TMEM215: variants seen among roughly 807,000 people sequenced by gnomAD.
TMEM215 encodes the protein transmembrane protein 215.
A neutral mutation model predicts 14.7 loss-of-function variants in TMEM215; 12 were observed. The ratio of observed to expected loss-of-function variants is 0.82; its 90% CI spans 0.52 to 1.33. TMEM215 has a LOEUF of 1.33. Among genes scored for constraint, TMEM215 ranks in the 40% most tolerant of loss-of-function variants. The pLI is 0.00. For missense variants in TMEM215, 276 were observed against 296.2 expected, an observed-to-expected ratio of 0.93 and a Z score of 0.50; for synonymous variants, 122 against 124.8, an observed-to-expected ratio of 0.98 and a Z score of 0.15.
In TMEM215 at chr9:32,784,415, C is replaced by A. The variant is rs201917188; in HGVS notation, c.232C>A (p.Arg78Ser). Residue 78 changes from arginine to serine, a missense_variant, in exon 2 of 2, where the codon CGC (arginine) becomes AGC (serine). By Grantham distance (110) the Arg-to-Ser change is moderately radical. Transcript: ENST00000342743. ...GCCAGAGAACGAGCTGCTGTGGGTC[C>A]GCAAATTGCCCTGCTTCCGGAAACC... ...KWPENELLWVRKLPCFRKPKD... is the reference protein window; with the variant it reads ...KWPENELLWVSKLPCFRKPKD... 3.1e-6 allele frequency: 5 copies of A among 1,614,044 alleles called. No individual in the cohort carries two copies. The Admixed American group carries it at 8.3e-5, about 27-fold the overall frequency.
In TMEM215 at chr9:32,787,360, G is replaced by C. The variant is rs1360433836; in HGVS notation, c.*2469G>C. On this transcript the variant is annotated 3_prime_UTR_variant, in exon 2 of 2. Coordinates refer to ENST00000342743, the MANE Select transcript of TMEM215 (RefSeq NM_212558.3). ...TAAGGTATTTAAGTATGCATTTGAG[G>C]AAATATTTTCCTGTGCTAAAATAAA... 4.8e-5 allele frequency: 8 copies of C among 166,816 alleles called. No individual in the cohort carries two copies. The highest frequency in any genetic ancestry group is 1.9e-4 in the African/African-American group (8 of 41,388). The allele number at this position is 166,816 out of a possible 1,614,324, so 10.3% of individuals were successfully genotyped here.
chr9:32,785,886 T>C lies in TMEM215; in HGVS notation c.*995T>C, dbSNP rs1824501214. 1 of 166,944 alleles carries C rather than the reference T, an allele frequency of 6.0e-6. No individual in the cohort carries two copies. Among genetic ancestry groups the C allele is most frequent in the Admixed American group, 6.5e-5 (1 of 15,292 alleles). The allele number at this position is 166,944 out of a possible 1,614,324, so 10.3% of individuals were successfully genotyped here. On this transcript the variant is annotated 3_prime_UTR_variant, in exon 2 of 2. Transcript: ENST00000342743. ...TTGTATGAAATGCAATGGTTAAACC[T>C]TTGGAAGTGTCATTATTTGTACATT...
In TMEM215 at chr9:32,788,904, G is replaced by A. The variant is rs1317456013; in HGVS notation, c.*4013G>A. On this transcript the variant is annotated 3_prime_UTR_variant, in exon 2 of 2. Coordinates refer to ENST00000342743, the MANE Select transcript of TMEM215 (RefSeq NM_212558.3). Reference sequence around the variant, plus strand: ...AGTGGTGTCAGTCTTCAAGAGCATCGTGTTCAACAAGCAAAATGATAAATA... The same window carrying A: ...AGTGGTGTCAGTCTTCAAGAGCATCATGTTCAACAAGCAAAATGATAAATA... Among the ~76,000 whole-genome samples, 3 of 152,162 alleles carry A rather than the reference G, an allele frequency of 2.0e-5. No homozygotes were observed. Among genetic ancestry groups the A allele is most frequent in the Non-Finnish European group, 2.9e-5 (2 of 68,030 alleles).
Position 32,784,151 on chromosome 9 carries a change from A to G in TMEM215, c.-33A>G. 1 of 1,580,088 alleles carries G rather than the reference A, an allele frequency of 6.3e-7. No homozygotes were observed. Among genetic ancestry groups the G allele is most frequent in the Non-Finnish European group, 8.6e-7 (1 of 1,161,490 alleles). ...AATAGAGGAACGCTGCTCCCTGGTC[A>G]GCAAGCAGCCCCCAACCTGGATGGA... On this transcript the variant is annotated 5_prime_UTR_variant, in exon 2 of 2. Coordinates refer to ENST00000342743, the MANE Select transcript of TMEM215 (RefSeq NM_212558.3).
At position 32,787,921 on chromosome 9, in the gene TMEM215, CTTCTTGA is replaced by C. The variant is rs1399113458; in HGVS notation, c.*3036_*3042del. Among the ~76,000 whole-genome samples the C allele has an allele frequency of 6.6e-6, 1 of 152,092 alleles. No individual in the cohort carries two copies. The highest frequency in any genetic ancestry group is 2.4e-5 in the African/African-American group (1 of 41,434). On this transcript the variant is annotated 3_prime_UTR_variant, in exon 2 of 2. Transcript: ENST00000342743. ...GCACATGGGTTGTTTTTCCAAACTG[CTTCTTGA>C]TTCTTAAGTGAGAATTCAGACATGA...
At position 32,784,469 on chromosome 9, in the gene TMEM215, A is replaced by C; in HGVS notation, c.286A>C (p.Arg96=). 6.2e-7 allele frequency: 1 copy of C among 1,614,114 alleles called. No individual in the cohort carries two copies. The change falls in exon 2 of 2, where the codon AGG becomes CGG. Residue 96 remains arginine, a synonymous_variant. Coordinates refer to ENST00000342743, the MANE Select transcript of TMEM215 (RefSeq NM_212558.3). ...AGACAAGGAGGTGGTAGAGCTGCTGAGGACCCCTTCAGACCTAGAATCCGG... is the reference window on the plus strand; with the variant it reads ...AGACAAGGAGGTGGTAGAGCTGCTGCGGACCCCTTCAGACCTAGAATCCGG... The part of the protein sequence containing the change: ...PKDKEVVELL[R]TPSDLESGKG...
rs1306603796 is a variant in TMEM215, at chr9:32,788,838, C to T, written c.*3947C>T. Among the ~76,000 whole-genome samples the T allele has an allele frequency of 1.3e-5, 2 of 152,178 alleles. No individual in the cohort carries two copies. Among genetic ancestry groups the T allele is most frequent in the African/African-American group, 4.8e-5 (2 of 41,452 alleles). On this transcript the variant is annotated 3_prime_UTR_variant, in exon 2 of 2. Coordinates refer to ENST00000342743, the MANE Select transcript of TMEM215 (RefSeq NM_212558.3). Reference sequence around the variant, plus strand: ...TTAGGAGTAAGATGGAACATTTCCCCAGCTAAGATACCAGTGGTGTGTTTC... The same window carrying T: ...TTAGGAGTAAGATGGAACATTTCCCTAGCTAAGATACCAGTGGTGTGTTTC...
At position 32,785,369 on chromosome 9, in the gene TMEM215, G is replaced by C. The variant is rs1454740497; in HGVS notation, c.*478G>C. On this transcript the variant is annotated 3_prime_UTR_variant, in exon 2 of 2. Coordinates refer to ENST00000342743, the MANE Select transcript of TMEM215 (RefSeq NM_212558.3). ...GCCTGGTTAAAAGCTTATCACACTT[G>C]GTATTTGCTGAAAGAAAAAAAAATC... is the stretch of plus-strand genomic sequence containing the variant. The C allele has an allele frequency of 5.9e-6, 1 of 168,644 alleles. No homozygotes were observed. Among genetic ancestry groups the C allele is most frequent in the East Asian group, 1.9e-4 (1 of 5,196 alleles). 10.4% of individuals were successfully genotyped at this position (168,644 alleles called of 1,614,324 possible).
Position 32,784,883 on chromosome 9 carries a change from A to G in TMEM215, c.700A>G (p.Ile234Val), listed in dbSNP as rs1824488719. The change falls in exon 2 of 2, where the codon ATC (isoleucine) becomes GTC (valine). Residue 234 changes from isoleucine (I) to valine (V), a missense_variant. Ile to Val is a conservative substitution (Grantham distance 29). Coordinates refer to ENST00000342743, the MANE Select transcript of TMEM215 (RefSeq NM_212558.3). The stretch of plus-strand genomic sequence containing the variant: ...ACAAGGCAGGTGGGACCACGAGACC[A>G]TCGTCTAATCTCTGCCTACAAAGGT... ...QIQGRWDHET[I>V]V 1 of 1,610,854 alleles carries G rather than the reference A, an allele frequency of 6.2e-7. No homozygotes were observed. Among genetic ancestry groups the G allele is most frequent in the Non-Finnish European group, 8.5e-7 (1 of 1,178,518 alleles).
rs1056398912 is a variant in TMEM215, at chr9:32,784,130, G to C, written c.-54G>C. 6.0e-5 allele frequency: 92 copies of C among 1,532,162 alleles called. No homozygotes were observed. Among genetic ancestry groups the C allele is most frequent in the Admixed American group, 9.5e-5 (5 of 52,530 alleles). 94.9% of individuals were successfully genotyped at this position (1,532,162 alleles called of 1,614,324 possible). Reference sequence around the variant, plus strand: ...CTGTGGTTTCATCTCTGACAGAATAGAGGAACGCTGCTCCCTGGTCAGCAA... The same window carrying C: ...CTGTGGTTTCATCTCTGACAGAATACAGGAACGCTGCTCCCTGGTCAGCAA... On this transcript the variant is annotated 5_prime_UTR_variant, in exon 2 of 2. Coordinates refer to ENST00000342743, the MANE Select transcript of TMEM215 (RefSeq NM_212558.3).
In TMEM215 at chr9:32,785,904, T is replaced by G. The variant is rs1189221965; in HGVS notation, c.*1013T>G. ...TTAAACCTTTGGAAGTGTCATTATT[T>G]GTACATTTGTTCAACTCCTCTCACA... On this transcript the variant is annotated 3_prime_UTR_variant, in exon 2 of 2. Transcript: ENST00000342743. 6.0e-6 allele frequency: 1 copy of G among 167,000 alleles called. No individual in the cohort carries two copies. Among genetic ancestry groups the G allele is most frequent in the Non-Finnish European group, 1.5e-5 (1 of 68,092 alleles). 10.3% of individuals were successfully genotyped at this position (167,000 alleles called of 1,614,324 possible).
At position 32,784,205 on chromosome 9, in the gene TMEM215, C is replaced by T; in HGVS notation, c.22C>T (p.Pro8Ser). Residue 8 changes from proline to serine, a missense_variant, in exon 2 of 2, where the codon CCG becomes TCG. Coordinates refer to ENST00000342743, the MANE Select transcript of TMEM215 (RefSeq NM_212558.3). MRPDDIN[P>S]RTGLVVALVS... ...AAACATGCGGCCTGATGACATTAAC[C>T]CGAGGACTGGGCTGGTGGTGGCCCT... The T allele has an allele frequency of 6.2e-7, 1 of 1,613,564 alleles. No individual in the cohort carries two copies. The highest frequency in any genetic ancestry group is 1.1e-5 in the South Asian group (1 of 90,994).
In TMEM215 at chr9:32,784,289, A is replaced by T; in HGVS notation, c.106A>T (p.Thr36Ser). ...MFTVSGMKGE[T>S]LGNIPLLAIG... ...CACCGTCTCTGGGATGAAAGGGGAG[A>T]CTTTGGGAAACATCCCCCTCCTGGC... is the stretch of plus-strand genomic sequence containing the variant. Residue 36 changes from threonine (T) to serine (S), a missense_variant, in exon 2 of 2, where the codon ACT becomes TCT. Physicochemically the swap from Thr to Ser is moderately conservative, Grantham distance 58. Transcript: ENST00000342743. 1 of 1,614,026 alleles carries T rather than the reference A, an allele frequency of 6.2e-7. No homozygotes were observed. The highest frequency in any genetic ancestry group is 8.5e-7 in the Non-Finnish European group (1 of 1,179,996).
rs114990957 is a variant in TMEM215, at chr9:32,788,825, T to G, written c.*3934T>G. Among the ~76,000 whole-genome samples, 4 of 152,222 alleles carry G rather than the reference T, an allele frequency of 2.6e-5. No homozygotes were observed. Among genetic ancestry groups the G allele is most frequent in the African/African-American group, 9.6e-5 (4 of 41,460 alleles). ...AGAACTAGTATGTTTAGGAGTAAGA[T>G]GGAACATTTCCCCAGCTAAGATACC... is the stretch of plus-strand genomic sequence containing the variant. On this transcript the variant is annotated 3_prime_UTR_variant, in exon 2 of 2. Coordinates refer to ENST00000342743, the MANE Select transcript of TMEM215 (RefSeq NM_212558.3).
At position 32,784,577 on chromosome 9, in the gene TMEM215, G is replaced by A. The variant is rs1406143293; in HGVS notation, c.394G>A (p.Ala132Thr). Residue 132 changes from alanine to threonine, a missense_variant, in exon 2 of 2, where the codon GCC becomes ACC. Transcript: ENST00000342743. ...ACAAAGCCAGGGTGAGGTGTCCGTG[G>A]CCAGCTCCATCAACAGCCCCACACC... ...PPQSQGEVSV[A>T]SSINSPTPTE... is the part of the protein sequence containing the mutation. The A allele has an allele frequency of 1.2e-6, 2 of 1,613,512 alleles. No individual in the cohort carries two copies. Among genetic ancestry groups the A allele is most frequent in the Non-Finnish European group, 8.5e-7 (1 of 1,179,918 alleles).
rs199551289 is a variant in TMEM215 at position 32,784,631 on chromosome 9, G to T, written c.448G>T (p.Val150Phe). 3 of 1,613,618 alleles carry T rather than the reference G, an allele frequency of 1.9e-6. No individual in the cohort carries two copies. The South Asian group carries it at 3.3e-5, about 18-fold the overall frequency. ...GGAGGAAGGAGAATGCCAGAGCCTC[G>T]TCCAGAATGGGCATCAGGAGGAGAC... The part of the protein sequence containing the change: ...PTEEGECQSL[V>F]QNGHQEETSR... Residue 150 changes from valine to phenylalanine, a missense_variant, in exon 2 of 2, where the codon GTC becomes TTC. Val to Phe is a conservative substitution (Grantham distance 50, BLOSUM62 -1). Transcript: ENST00000342743.
rs1216462101 is a variant in TMEM215 at position 32,788,703 on chromosome 9, A to G, written c.*3812A>G. Among the ~76,000 whole-genome samples, 2 of 152,248 alleles carry G rather than the reference A, an allele frequency of 1.3e-5. No homozygotes were observed. ...AATGTGTAAATGAATGGAACTCTCC[A>G]TATTGTTGTGTGGGTCTTCCCTTCA... On this transcript the variant is annotated 3_prime_UTR_variant, in exon 2 of 2. Transcript: ENST00000342743.
chr9:32,784,142 T>C lies in TMEM215; in HGVS notation c.-42T>C, dbSNP rs769822913. 4.5e-6 allele frequency: 7 copies of C among 1,567,008 alleles called. No homozygotes were observed. In the East Asian group the frequency reaches 9.0e-5, roughly 20 times the overall value. ...CTCTGACAGAATAGAGGAACGCTGC[T>C]CCCTGGTCAGCAAGCAGCCCCCAAC... is the stretch of plus-strand genomic sequence containing the variant. On this transcript the variant is annotated 5_prime_UTR_variant, in exon 2 of 2. Coordinates refer to ENST00000342743, the MANE Select transcript of TMEM215 (RefSeq NM_212558.3).
intron 1 of TMEM215, 58 bp downstream of exon 1, chr9:32,783,863 T>A: frequency 1.4e-5 from 4 of 295,268 alleles, no homozygotes; most frequent in South Asian, 1.4e-4. Flanking sequence ...GAGGTTGCAA[T>A]AGTGAGAGGA....
Sources: gnomAD v4.1 joint callset for allele counts (sites outside exome capture counted in the v4.1 genomes callset) on GRCh38, gnomAD v4.1.1 for gene constraint, MANE v1.5 for transcripts, NCBI Gene and HGNC (gene_info 2026-07-23, HGNC 2026-07-21) for gene names.